The following RNF130 variants were observed in gnomAD, a reference collection of about 807,000 sequenced individuals.
The protein encoded by RNF130 is E3 ubiquitin-protein ligase RNF130.
RNF130 carries 21 observed loss-of-function variants against 44.6 expected under a neutral mutation model. The ratio of observed to expected loss-of-function variants is 0.47; its 90% CI spans 0.33 to 0.68. The LOEUF is 0.68. Among genes scored for constraint, RNF130 ranks in the 30% least tolerant of loss-of-function variants. The pLI is 0.02. For missense variants in RNF130, 479 were observed against 560.6 expected (o/e 0.85, Z 1.47); for synonymous variants, 214 against 210.4 (o/e 1.02, Z -0.15).
At chr5:180,010,677 A>C (rs1468783451) in intron 3 of RNF130, among the ~76,000 whole-genome samples, 2 of 152,126 alleles carry the variant, frequency 1.3e-5, no homozygotes, top group Non-Finnish European at 2.9e-5. Context: ...CCACCTATTT[A>C]ACATTCTTGA....
At chr5:179,933,703 T>C (rs1270389654) in intron 7 of RNF130, 4 of 326,472 alleles carry the variant, frequency 1.2e-5, no homozygotes, top group Admixed American at 4.7e-5. Flanking sequence ...TTCTACTTTT[T>C]GTAGAGATGG....
At chr5:180,023,773 A>C (rs1763926740) in intron 2 of RNF130, among the ~76,000 whole-genome samples, 1 of 152,254 alleles carries the variant, frequency 6.6e-6, no homozygotes, top group African/African-American at 2.4e-5. Flanking sequence ...GAAAAATTCC[A>C]AATAATTATG....
intron 3 of RNF130, chr5:179,980,447 C>T: frequency 2.4e-6 from 1 of 411,950 alleles, no homozygotes; most frequent in Non-Finnish European, 4.5e-6. Flanking sequence ...GTCTTCAATT[C>T]TCCAGCAGTA....
rs1321577925 is a variant in RNF130, at chr5:179,977,115, G to C, written c.848+1088C>G. 2 of 152,170 alleles carry C rather than the reference G, an allele frequency of 1.3e-5. No individual in the cohort carries two copies. Among genetic ancestry groups the C allele is most frequent in the Admixed American group, 1.3e-4 (2 of 15,280 alleles). 9.4% of individuals were successfully genotyped at this position (152,170 alleles called of 1,614,324 possible). A position where few individuals can be genotyped will look rare whatever the true frequency, so the allele number is the denominator to read the frequency against. ...CAGCTCTGCCATTTCTGAATTGTGCGACCCTGGAACCTGCTATCGGCTCAC... is the reference window on the plus strand; with the variant it reads ...CAGCTCTGCCATTTCTGAATTGTGCCACCCTGGAACCTGCTATCGGCTCAC... On this transcript the variant is annotated intron_variant, in intron 5 of 8. Transcript: ENST00000521389. The surrounding 1 kb of genome is among the most constrained non-coding windows in gnomAD (Gnocchi z 4.1).
chr5:179,925,421 A>T (rs1561659300), intron 7 of RNF130, among the ~76,000 whole-genome samples: 1 of 152,218 alleles, frequency 6.6e-6, no homozygotes, highest in South Asian at 2.1e-4. Flanking sequence ...TGCTTCTCAC[A>T]TGCCTTGCCC....
At chr5:180,019,111 G>A (rs1385336418) in intron 2 of RNF130, among the ~76,000 whole-genome samples, 13 of 152,180 alleles carry the variant, frequency 8.5e-5, no homozygotes, top group African/African-American at 2.2e-4. Flanking sequence ...GAGGCCGGGC[G>A]GGGTGGCTCA....
chr5:179,946,157 G>C (rs1340385764), intron 7 of RNF130, among the ~76,000 whole-genome samples: 2 of 152,212 alleles, frequency 1.3e-5, no homozygotes, highest in African/African-American at 2.4e-5. Context: ...TACAGTTACG[G>C]TAAGTATGTG....
chr5:180,009,681 A>G (rs546925044), intron 3 of RNF130, among the ~76,000 whole-genome samples: 24 of 152,348 alleles, frequency 1.6e-4, no homozygotes, highest in African/African-American at 4.3e-4. Flanking sequence ...CTACAGAACT[A>G]AATATGCACT....
intron 3 of RNF130, among the ~76,000 whole-genome samples, chr5:179,986,827 T>C (rs1166317797): frequency 2.0e-5 from 3 of 152,240 alleles, no homozygotes; most frequent in Non-Finnish European, 4.4e-5. Flanking sequence ...TTTCTCCATT[T>C]TTCTGTGATC....
intron 1 of RNF130, among the ~76,000 whole-genome samples, chr5:180,050,191 G>A (rs1764655672): frequency 6.6e-6 from 1 of 152,172 alleles, no homozygotes; most frequent in Non-Finnish European, 1.5e-5. Flanking sequence ...ATAAGGAATT[G>A]GCTCTGGCAA....
chr5:179,928,762 G>A (rs1017503199), intron 7 of RNF130, among the ~76,000 whole-genome samples: 3 of 151,844 alleles, frequency 2.0e-5, no homozygotes, highest in African/African-American at 7.3e-5. Context: ...CCGAGTAGCT[G>A]GGACTACAGG....
chr5:180,061,975 C>T (rs1764996874), intron 1 of RNF130, among the ~76,000 whole-genome samples: 5 of 152,090 alleles, frequency 3.3e-5, no homozygotes, highest in South Asian at 2.1e-4. Flanking sequence ...TCAGAGCCCG[C>T]TGTCTGCTTC....
exon 8 of RNF130, chr5:179,916,405 A>T (rs1761545591): frequency 6.6e-6 from 1 of 152,244 alleles, no homozygotes; most frequent in Admixed American, 6.5e-5. Context: ...TACCAATTTG[A>T]TTTAGCGTGT....
chr5:180,023,067 T>C (rs1443657109), intron 2 of RNF130, among the ~76,000 whole-genome samples: 2 of 152,178 alleles, frequency 1.3e-5, no homozygotes, highest in African/African-American at 4.8e-5. Context: ...AGTAAATAGA[T>C]GTAGGATGGC....
chr5:179,978,604 C>G (rs568878277), intron 4 of RNF130, among the ~76,000 whole-genome samples: 9 of 152,124 alleles, frequency 5.9e-5, no homozygotes, highest in Non-Finnish European at 1.3e-4. Flanking sequence ...CCCTCATTCC[C>G]CCTGCATTAC....
At chr5:179,970,759 A>G (rs902166317) in intron 5 of RNF130, among the ~76,000 whole-genome samples, 2 of 152,200 alleles carry the variant, frequency 1.3e-5, no homozygotes, top group Non-Finnish European at 2.9e-5. Flanking sequence ...TATTTTACCA[A>G]ATTCCAAAAA....
At chr5:179,928,644 T>A (rs1382516108) in intron 7 of RNF130, among the ~76,000 whole-genome samples, 2 of 151,756 alleles carry the variant, frequency 1.3e-5, no homozygotes, top group Admixed American at 6.6e-5. Flanking sequence ...TTTTTTTTTT[T>A]TTGAGACGGA....
chr5:180,064,476 T>G (rs1765053666), intron 1 of RNF130, among the ~76,000 whole-genome samples: 1 of 152,226 alleles, frequency 6.6e-6, no homozygotes, highest in Non-Finnish European at 1.5e-5. Context: ...TGGTGGTCTA[T>G]TCCACCGTTC....
intron 3 of RNF130, among the ~76,000 whole-genome samples, chr5:179,992,300 C>G (rs1230779174): frequency 2.0e-5 from 3 of 152,116 alleles, no homozygotes; most frequent in Non-Finnish European, 4.4e-5. Context: ...CGCCACCATG[C>G]CCGGCTAATT....
Sources: allele counts gnomAD v4.1 joint callset (sites outside exome capture counted in the v4.1 genomes callset), GRCh38; gene constraint gnomAD v4.1.1; non-coding constraint Gnocchi (gnomAD v3.1); transcripts MANE v1.5; gene names NCBI Gene and HGNC (gene_info 2026-07-23, HGNC 2026-07-21).